FARS2: variants seen among roughly 807,000 people sequenced by gnomAD.
FARS2 encodes the protein phenylalanyl-tRNA synthetase 2, mitochondrial, also known as phenylalanine--tRNA ligase, mitochondrial.
In FARS2, 40 loss-of-function variants were observed where a neutral mutation model predicts 46.4. That is an observed-to-expected ratio of 0.86 (90% CI 0.67 to 1.12). The LOEUF (loss-of-function observed/expected upper bound fraction) is 1.12, where lower values mean the gene tolerates loss of function less well. Among genes scored for constraint, FARS2 ranks in the 50% most tolerant of loss-of-function variants. The probability of loss-of-function intolerance (pLI) is 0.00; values close to 1 mark genes in which losing one functional copy is unlikely to be tolerated. For synonymous variants in FARS2, 234 were observed against 214.9 expected (o/e 1.09, Z -0.78); for missense variants, 513 against 567.9 (o/e 0.90, Z 0.98).
chr6:5,489,047 TA>T (rs1281537816), intron 4 of FARS2, among the ~76,000 whole-genome samples: 5 of 151,914 alleles, frequency 3.3e-5, no homozygotes, highest in Non-Finnish European at 7.4e-5. Context: ...GGAAAATGAG[TA>T]AATTATATAT....
chr6:5,455,780 G>T (rs889762523), intron 4 of FARS2, among the ~76,000 whole-genome samples: 1 of 152,158 alleles, frequency 6.6e-6, no homozygotes, highest in Non-Finnish European at 1.5e-5. Flanking sequence ...TTACTGTCTG[G>T]CTGACTGTTT....
At chr6:5,598,246 G>C (rs1318726561) in intron 5 of FARS2, among the ~76,000 whole-genome samples, 1 of 152,094 alleles carries the variant, frequency 6.6e-6, no homozygotes, top group Non-Finnish European at 1.5e-5. Context: ...AGTCAGGCAT[G>C]GTGGTACCTG....
At chr6:5,760,916 G>A (rs573169359) in intron 6 of FARS2, among the ~76,000 whole-genome samples, 2 of 152,212 alleles carry the variant, frequency 1.3e-5, no homozygotes, top group African/African-American at 2.4e-5. Flanking sequence ...AGCTTCCTAC[G>A]GTGATTGTAC....
chr6:5,562,928 C>T (rs150292095), intron 5 of FARS2, among the ~76,000 whole-genome samples: 12 of 151,884 alleles, frequency 7.9e-5, no homozygotes, highest in African/African-American at 2.2e-4. Flanking sequence ...CTAAGCCTCC[C>T]GAGTAGCTGG....
chr6:5,769,536 C>A (rs1242993187), intron 6 of FARS2, among the ~76,000 whole-genome samples: 1 of 152,204 alleles, frequency 6.6e-6, no homozygotes, highest in Non-Finnish European at 1.5e-5. Context: ...GCAGTTTGGG[C>A]AGCAGTGCCT....
In FARS2 at chr6:5,717,351, ATGTGTG is replaced by A. The variant is rs58875741; in HGVS notation, c.1218-53906_1218-53901del. Among the ~76,000 whole-genome samples, 574 of 141,726 alleles carry A rather than the reference ATGTGTG, an allele frequency of 4.1e-3. 2 individuals carry two copies. The highest frequency in any genetic ancestry group is 0.012 in the African/African-American group (462 of 37,878). 93.0% of individuals were successfully genotyped at this position (141,726 alleles called of 152,430 possible). A position where few individuals can be genotyped will look rare whatever the true frequency, so the allele number is the denominator to read the frequency against. On this transcript the variant is annotated intron_variant, in intron 6 of 6. Coordinates refer to ENST00000274680, the MANE Select transcript of FARS2 (RefSeq NM_006567.5). ...CGTGGATAGAAACATAGATATGTATATGTGTGTGTGTGTGTGTGTGTGTGTGTGTGT... is the reference window on the plus strand; with the variant it reads ...CGTGGATAGAAACATAGATATGTATATGTGTGTGTGTGTGTGTGTGTGTGT...
chr6:5,283,505 C>T (rs137916686), intron 1 of FARS2, among the ~76,000 whole-genome samples: 1,720 of 147,920 alleles, frequency 0.012, 29 homozygotes, highest in African/African-American at 0.04. Context: ...GCTGAGATTG[C>T]GCCACTGCAC....
intron 5 of FARS2, among the ~76,000 whole-genome samples, chr6:5,581,241 A>T (rs761959681): frequency 6.6e-6 from 1 of 152,240 alleles, no homozygotes; most frequent in African/African-American, 2.4e-5. Context: ...GAAAAACAAC[A>T]CCCAAGAAAC....
intron 1 of FARS2, among the ~76,000 whole-genome samples, chr6:5,320,268 A>T (rs1377418986): frequency 6.6e-6 from 1 of 151,578 alleles, no homozygotes; most frequent in South Asian, 2.1e-4. Flanking sequence ...GGATCTCCCT[A>T]ACGATCTGCT....
At chr6:5,623,264 C>A (rs190126499) in intron 6 of FARS2, among the ~76,000 whole-genome samples, 200 of 152,314 alleles carry the variant, frequency 1.3e-3, no homozygotes, top group Non-Finnish European at 2.2e-3. Context: ...TAAAGAATAA[C>A]CTCAGTACAA....
At chr6:5,422,128 T>C (rs1278846840) in intron 3 of FARS2, among the ~76,000 whole-genome samples, 2 of 152,130 alleles carry the variant, frequency 1.3e-5, no homozygotes, top group African/African-American at 2.4e-5. Flanking sequence ...TCTGACATGG[T>C]GGCAGACAAG....
At chr6:5,716,446 T>A (rs1375627785) in intron 6 of FARS2, among the ~76,000 whole-genome samples, 4 of 150,462 alleles carry the variant, frequency 2.7e-5, no homozygotes, top group African/African-American at 9.8e-5. Context: ...ATGTTGTTCC[T>A]CTGCTCTCAT....
intron 1 of FARS2, among the ~76,000 whole-genome samples, chr6:5,308,999 G>T (rs774178443): frequency 6.6e-6 from 1 of 152,064 alleles, no homozygotes; most frequent in East Asian, 1.9e-4. Flanking sequence ...CTTTGCCCCC[G>T]TGATCTAACC....
At chr6:5,664,402 G>T (rs1164915676) in intron 6 of FARS2, among the ~76,000 whole-genome samples, 2 of 152,134 alleles carry the variant, frequency 1.3e-5, no homozygotes, top group Non-Finnish European at 2.9e-5. Flanking sequence ...GTCACCCTGG[G>T]AGCTGGCTTC....
intron 1 of FARS2, chr6:5,272,532 T>A (rs2127829880): frequency 6.6e-6 from 1 of 152,286 alleles, no homozygotes; most frequent in African/African-American, 2.4e-5. Context: ...TTATTTATTT[T>A]TATTGATACA....
At chr6:5,697,336 G>A (rs903899543) in intron 6 of FARS2, among the ~76,000 whole-genome samples, 3 of 152,174 alleles carry the variant, frequency 2.0e-5, no homozygotes, top group South Asian at 2.1e-4. Context: ...ATTTGACAAC[G>A]TATAAGAGAA....
chr6:5,364,335 G>C (rs1481902024), intron 1 of FARS2, among the ~76,000 whole-genome samples: 2 of 152,190 alleles, frequency 1.3e-5, no homozygotes, highest in Admixed American at 1.3e-4. Flanking sequence ...GCACCTAAGA[G>C]ATCAACCTAG....
At chr6:5,445,707 G>A (rs970181164) in intron 4 of FARS2, among the ~76,000 whole-genome samples, 1 of 152,086 alleles carries the variant, frequency 6.6e-6, no homozygotes, top group Non-Finnish European at 1.5e-5. Flanking sequence ...AGCTCTGTTT[G>A]AGGGAGGGAG....
At chr6:5,406,392 G>A (rs1562017361) in intron 3 of FARS2, among the ~76,000 whole-genome samples, 1 of 152,182 alleles carries the variant, frequency 6.6e-6, no homozygotes, top group East Asian at 1.9e-4. Flanking sequence ...CATCTTCATT[G>A]TCCCCAGGAG....
Sources: gnomAD v4.1 joint callset for allele counts (sites outside exome capture counted in the v4.1 genomes callset) on GRCh38, gnomAD v4.1.1 for gene constraint, MANE v1.5 for transcripts, NCBI Gene and HGNC (gene_info 2026-07-23, HGNC 2026-07-21) for gene names.